Variants in CNOT10 observed in about 807,000 individuals in gnomAD.
CNOT10 encodes CCR4-NOT transcription complex subunit 10.
In CNOT10, 30 loss-of-function variants were observed where a neutral mutation model predicts 94.6. The ratio of observed to expected loss-of-function variants is 0.32; its 90% CI spans 0.24 to 0.43. The LOEUF (loss-of-function observed/expected upper bound fraction) is 0.43. Ranked by LOEUF, CNOT10 falls within the 20% of genes least tolerant of loss-of-function variation. The pLI is 1.00. For missense variants in CNOT10, 759 were observed against 877.2 expected, an observed-to-expected ratio of 0.87 and a Z score of 1.70; for synonymous variants, 289 against 301.6, an observed-to-expected ratio of 0.96 and a Z score of 0.43.
intron 1 of CNOT10, among the ~76,000 whole-genome samples, chr3:32,687,173 A>T (rs1308498618): frequency 1.3e-5 from 2 of 151,942 alleles, no homozygotes; most frequent in African/African-American, 4.8e-5. Flanking sequence ...TCTCCATCTC[A>T]TCTGCTGTGT....
intron 10 of CNOT10, among the ~76,000 whole-genome samples, chr3:32,733,054 A>G (rs959655736): frequency 6.6e-6 from 1 of 152,032 alleles, no homozygotes; most frequent in Non-Finnish European, 1.5e-5. Context: ...TTTCTTTTAC[A>G]CTATTTTGGG....
At chr3:32,743,000 T>G (rs1276325655) in intron 13 of CNOT10, among the ~76,000 whole-genome samples, 4 of 151,598 alleles carry the variant, frequency 2.6e-5, no homozygotes, top group African/African-American at 9.7e-5. Context: ...TTTTTTTTTT[T>G]TTTGAGATAG....
At chr3:32,705,219 T>C (rs1365310912) in intron 3 of CNOT10, among the ~76,000 whole-genome samples, 1 of 152,194 alleles carries the variant, frequency 6.6e-6, no homozygotes, top group African/African-American at 2.4e-5. Context: ...TTGAATGAGC[T>C]TTGGAGTTTT....
At chr3:32,771,581 C>G (rs910091728) in intron 18 of CNOT10, among the ~76,000 whole-genome samples, 1 of 152,008 alleles carries the variant, frequency 6.6e-6, no homozygotes, top group African/African-American at 2.4e-5. Flanking sequence ...ATCTGGGCGA[C>G]AGAGTGAAAC....
intron 1 of CNOT10, among the ~76,000 whole-genome samples, chr3:32,693,829 A>G (rs1372878405): frequency 6.6e-6 from 1 of 152,208 alleles, no homozygotes; most frequent in Non-Finnish European, 1.5e-5. Context: ...GGTGTGAGCC[A>G]CCATGCCCGG....
Position 32,773,860 on chromosome 3 carries a change from CAT to C in CNOT10, c.*251_*252del, listed in dbSNP as rs1701011697. The C allele has an allele frequency of 2.7e-6, 1 of 376,872 alleles. No individual in the cohort carries two copies. 23.3% of individuals were successfully genotyped at this position (376,872 alleles called of 1,614,324 possible). On this transcript the variant is annotated 3_prime_UTR_variant, in exon 19 of 19. Coordinates refer to ENST00000328834, the MANE Select transcript of CNOT10 (RefSeq NM_015442.3). ...TAATATATGCCATAGGCAATTAAAA[CAT>C]AATTTTATCAGAAGTCTTTTACACT... is the stretch of plus-strand genomic sequence containing the variant.
At chr3:32,695,476 C>A in intron 1 of CNOT10, 1 of 1,182,894 alleles carries the variant, frequency 8.5e-7, no homozygotes, top group Non-Finnish European at 1.2e-6. Flanking sequence ...ATGAGTGTAG[C>A]TTGTAGTCTC....
At chr3:32,695,853 TA>T in intron 1 of CNOT10, 1 of 1,502,830 alleles carries the variant, frequency 6.7e-7, no homozygotes, top group Non-Finnish European at 8.9e-7. Context: ...TTATAAATAA[TA>T]AATGTTTTTA....
intron 13 of CNOT10, among the ~76,000 whole-genome samples, chr3:32,750,048 C>T (rs1400783615): frequency 2.0e-5 from 3 of 152,046 alleles, no homozygotes; most frequent in South Asian, 4.1e-4. Flanking sequence ...GAGACCTTGT[C>T]TCTACAAAAA....
At chr3:32,714,204 C>G (rs552436159) in intron 5 of CNOT10, among the ~76,000 whole-genome samples, 1 of 152,012 alleles carries the variant, frequency 6.6e-6, no homozygotes, top group Non-Finnish European at 1.5e-5. Context: ...AAAAAATTAG[C>G]TATCTTAGGG....
intron 3 of CNOT10, among the ~76,000 whole-genome samples, chr3:32,706,237 A>T (rs1352670688): frequency 6.6e-6 from 1 of 152,216 alleles, no homozygotes; most frequent in Non-Finnish European, 1.5e-5. Context: ...GATGATGCTT[A>T]CTGATAATCT....
At chr3:32,696,497 A>G (rs566033848) in intron 1 of CNOT10, among the ~76,000 whole-genome samples, 11 of 152,236 alleles carry the variant, frequency 7.2e-5, no homozygotes, top group Non-Finnish European at 1.3e-4. Context: ...GTTCGTTAAC[A>G]TGTAAAAGGT....
intron 1 of CNOT10, among the ~76,000 whole-genome samples, chr3:32,696,049 C>T (rs1289524062): frequency 2.0e-5 from 3 of 149,468 alleles, no homozygotes; most frequent in African/African-American, 7.5e-5. Flanking sequence ...GGCGTGGTGA[C>T]TCATGCTGGT....
intron 1 of CNOT10, among the ~76,000 whole-genome samples, chr3:32,693,672 G>T (rs1021920414): frequency 1.3e-5 from 2 of 151,632 alleles, no homozygotes; most frequent in Non-Finnish European, 2.9e-5. Context: ...CTCCCAAGTA[G>T]CTGGGACTAT....
At chr3:32,750,385 C>T (rs536931527) in intron 13 of CNOT10, among the ~76,000 whole-genome samples, 1 of 152,024 alleles carries the variant, frequency 6.6e-6, no homozygotes, top group African/African-American at 2.4e-5. Flanking sequence ...GTCTCAGCTA[C>T]TCAGGAGGCT....
At chr3:32,753,240 A>T in intron 13 of CNOT10, 1 of 762,242 alleles carries the variant, frequency 1.3e-6, no homozygotes, top group South Asian at 1.3e-5. Flanking sequence ...GATAGTGCAG[A>T]TGCTAATTTC....
At chr3:32,706,262 A>G (rs766419528) in intron 3 of CNOT10, among the ~76,000 whole-genome samples, 3 of 152,200 alleles carry the variant, frequency 2.0e-5, no homozygotes, top group Non-Finnish European at 4.4e-5. Flanking sequence ...CATGCACCCT[A>G]TGACCCCATA....
intron 13 of CNOT10, among the ~76,000 whole-genome samples, chr3:32,747,708 G>C (rs1699760981): frequency 6.6e-6 from 1 of 152,062 alleles, no homozygotes; most frequent in South Asian, 2.1e-4. Context: ...CCAGCACTTT[G>C]GGAGGCCGAG....
chr3:32,721,060 C>CTTTTTTT (rs377750318), intron 8 of CNOT10, among the ~76,000 whole-genome samples: 7 of 97,694 alleles, frequency 7.2e-5, no homozygotes, highest in East Asian at 3.3e-4. Flanking sequence ...TCTTTCCTTT[C>CTTTTTTT]TTTTTTTTTT....
Sources: allele counts gnomAD v4.1 joint callset (sites outside exome capture counted in the v4.1 genomes callset), GRCh38; gene constraint gnomAD v4.1.1; transcripts MANE v1.5; gene names NCBI Gene and HGNC (gene_info 2026-07-23, HGNC 2026-07-21).